Variants in TANC2 observed in about 807,000 individuals in gnomAD.
The protein encoded by TANC2 is protein TANC2.
Under a neutral mutation model 210.5 loss-of-function variants are expected in TANC2, and 26 were observed. The ratio of observed to expected loss-of-function variants is 0.12; its 90% CI spans 0.09 to 0.17. TANC2 has a LOEUF of 0.17. TANC2 is among the 10% of genes least tolerant of loss of function. The pLI is 1.00. For synonymous variants in TANC2, 931 were observed against 967.1 expected, an observed-to-expected ratio of 0.96 and a Z score of 0.69; for missense variants, 2,129 against 2,608.9, an observed-to-expected ratio of 0.82 and a Z score of 4.01.
Position 63,311,532 on chromosome 17 carries a change from T to C in TANC2, c.1160-2856T>C, listed in dbSNP as rs2146565754. Among the ~76,000 whole-genome samples the C allele has an allele frequency of 2.0e-5, 3 of 152,318 alleles. No individual in the cohort carries two copies. In the South Asian group the frequency reaches 6.2e-4, roughly 32 times the overall value. ...CCCTCAGTTTTCTATAGTGAAAATA[T>C]ATTGAATAAGAATATAGTAAAAGCC... On this transcript the variant is annotated intron_variant, in intron 9 of 27. Transcript: ENST00000689528.
chr17:63,117,644 T>C (rs1467054962), intron 4 of TANC2, among the ~76,000 whole-genome samples: 1 of 152,180 alleles, frequency 6.6e-6, no homozygotes, highest in Non-Finnish European at 1.5e-5. Flanking sequence ...GAGATTAAAG[T>C]GTGGGTCATT....
intron 3 of TANC2, among the ~76,000 whole-genome samples, chr17:63,079,688 A>G (rs1289101296): frequency 1.3e-5 from 2 of 152,186 alleles, no homozygotes; most frequent in African/African-American, 4.8e-5. Flanking sequence ...GATTGTGGAT[A>G]CAGTTTCTAT....
intron 9 of TANC2, among the ~76,000 whole-genome samples, chr17:63,273,405 A>G (rs1218861334): frequency 2.6e-5 from 4 of 152,218 alleles, no homozygotes; most frequent in Non-Finnish European, 4.4e-5. Context: ...TTTTAAAATA[A>G]TAATAGGGAT....
At chr17:63,011,216 TTTG>T (rs2033857799) in intron 2 of TANC2, among the ~76,000 whole-genome samples, 1 of 151,932 alleles carries the variant, frequency 6.6e-6, no homozygotes, top group Admixed American at 6.6e-5. Context: ...TATGTTTTTT[TTTG>T]TTGTTTTGTG....
intron 5 of TANC2, among the ~76,000 whole-genome samples, chr17:63,181,127 A>G (rs964673032): frequency 7.9e-5 from 12 of 151,698 alleles, no homozygotes; most frequent in African/African-American, 2.9e-4. Flanking sequence ...AATGTCACAG[A>G]GCCGCCTCTT....
At chr17:63,345,619 C>CAAAAAAAAAA (rs752643075) in intron 12 of TANC2, among the ~76,000 whole-genome samples, 1 of 86,630 alleles carries the variant, frequency 1.2e-5, no homozygotes, top group Non-Finnish European at 2.4e-5. Flanking sequence ...AATTCTGTCT[C>CAAAAAAAAAA]AAAAAAAAAA....
intron 5 of TANC2, among the ~76,000 whole-genome samples, chr17:63,170,032 T>TGGC (rs1212277883): frequency 6.6e-6 from 1 of 150,866 alleles, no homozygotes; most frequent in African/African-American, 2.4e-5. Context: ...GGCAGGAGAA[T>TGGC]GGCGTGAACC....
chr17:63,268,646 A>G (rs903122008), intron 9 of TANC2, among the ~76,000 whole-genome samples: 2 of 152,138 alleles, frequency 1.3e-5, no homozygotes, highest in African/African-American at 4.8e-5. Flanking sequence ...GTAACATGCA[A>G]TATTTTATTA....
intron 12 of TANC2, among the ~76,000 whole-genome samples, chr17:63,341,468 A>AT (rs2046226768): frequency 6.6e-6 from 1 of 152,226 alleles, no homozygotes; most frequent in African/African-American, 2.4e-5. Context: ...CATCATATCT[A>AT]TAATTACCTC....
At chr17:63,260,558 C>T (rs1296253376) in intron 8 of TANC2, among the ~76,000 whole-genome samples, 1 of 151,668 alleles carries the variant, frequency 6.6e-6, no homozygotes, top group African/African-American at 2.4e-5. Context: ...CCAAGGTGGG[C>T]TGATTGCTTT....
In TANC2 at chr17:63,420,571, G is replaced by A. The variant is rs780844680; in HGVS notation, c.4841G>A (p.Ser1614Asn). 6 of 1,613,834 alleles carry A rather than the reference G, an allele frequency of 3.7e-6. No individual in the cohort carries two copies. Among genetic ancestry groups the A allele is most frequent in the Middle Eastern group, 1.6e-4 (1 of 6,062 alleles). The change falls in exon 28 of 28, where the codon AGC becomes AAC. Residue 1614 changes from serine to asparagine, a missense_variant. By Grantham distance (46) the Ser-to-Asn change is conservative. Transcript: ENST00000689528. This position sits in a 1 kb window ranked among gnomAD's most constrained non-coding sequence, Gnocchi z 4.2. ...GGAGGACAGGGCAAAGAATACCCAA[G>A]CCCTCCCCCTTCCCCTCTCCGGAGA...
chr17:63,326,619 A>G (rs942186003), intron 11 of TANC2, among the ~76,000 whole-genome samples: 6 of 152,180 alleles, frequency 3.9e-5, no homozygotes, highest in African/African-American at 1.4e-4. Flanking sequence ...AGTCCCAGCT[A>G]CTCAGGGTGC....
At chr17:63,012,222 C>G (rs1475019399) in intron 2 of TANC2, among the ~76,000 whole-genome samples, 2 of 151,780 alleles carry the variant, frequency 1.3e-5, no homozygotes, top group African/African-American at 4.8e-5. Context: ...GATCTCAGTA[C>G]TTTGCCCAGG....
chr17:63,285,966 C>T (rs1212091602), intron 9 of TANC2, among the ~76,000 whole-genome samples: 2 of 152,122 alleles, frequency 1.3e-5, no homozygotes, highest in Non-Finnish European at 2.9e-5. Context: ...AAGAGTCAAC[C>T]TTGTAAGCAA....
chr17:63,119,635 C>T (rs997556603), intron 4 of TANC2, among the ~76,000 whole-genome samples: 8 of 152,064 alleles, frequency 5.3e-5, no homozygotes, highest in African/African-American at 1.9e-4. Context: ...TAAGTTAATG[C>T]TTCTTTATGA....
chr17:62,995,433 A>G (rs913168467), intron 1 of TANC2, among the ~76,000 whole-genome samples: 3 of 152,318 alleles, frequency 2.0e-5, no homozygotes, highest in East Asian at 1.9e-4. Flanking sequence ...AAGTTAGGCA[A>G]TTTAGTCTAA....
intron 7 of TANC2, among the ~76,000 whole-genome samples, chr17:63,207,279 A>G (rs995285906): frequency 1.5e-5 from 2 of 132,268 alleles, no homozygotes; most frequent in Admixed American, 9.2e-5. Flanking sequence ...GCGGTTGCGC[A>G]GTCTCGGCTC....
At chr17:63,210,289 G>A (rs1414866328) in intron 7 of TANC2, among the ~76,000 whole-genome samples, 1 of 152,030 alleles carries the variant, frequency 6.6e-6, no homozygotes, top group African/African-American at 2.4e-5. Flanking sequence ...TCTGATTTTT[G>A]GTTCCACAAT....
chr17:63,095,391 A>C (rs192503043), intron 3 of TANC2, among the ~76,000 whole-genome samples: 2 of 152,088 alleles, frequency 1.3e-5, no homozygotes, highest in East Asian at 3.9e-4. Context: ...CATCGATCTC[A>C]AACTCCTGGC....
Sources: allele counts gnomAD v4.1 joint callset (sites outside exome capture counted in the v4.1 genomes callset), GRCh38; gene constraint gnomAD v4.1.1; non-coding constraint Gnocchi (gnomAD v3.1); transcripts MANE v1.5; gene names NCBI Gene and HGNC (gene_info 2026-07-23, HGNC 2026-07-21).